Variants in CAPN2 observed in about 807,000 individuals in gnomAD.
CAPN2 encodes calpain-2 catalytic subunit.
Under a neutral mutation model 102.3 loss-of-function variants are expected in CAPN2, and 92 were observed. The ratio of observed to expected loss-of-function variants is 0.90; its 90% CI spans 0.76 to 1.07. The LOEUF is 1.07. CAPN2 is among the 50% of genes least tolerant of loss of function. The pLI is 0.00. For missense variants in CAPN2, 800 were observed against 909.4 expected (o/e 0.88, Z 1.55); for synonymous variants, 340 against 355.4 (o/e 0.96, Z 0.49).
At chr1:223,752,721 C>T in intron 8 of CAPN2, 75 bp from the exon 9 acceptor site, 1 of 1,471,124 alleles carries the variant, frequency 6.8e-7, no homozygotes, top group Non-Finnish European at 9.4e-7. Context: ...GGCTCCTGGT[C>T]TGGTGTTGGT....
At chr1:223,766,757 C>T (rs544129309) in intron 16 of CAPN2, among the ~76,000 whole-genome samples, 5 of 152,170 alleles carry the variant, frequency 3.3e-5, no homozygotes, top group African/African-American at 1.2e-4. Context: ...GTCAGGAGTT[C>T]GAGACCAGCC....
chr1:223,763,983 C>G lies in CAPN2; in HGVS notation c.1633-167C>G, dbSNP rs28370137. On this transcript the variant is annotated intron_variant, in intron 14 of 20. Transcript: ENST00000295006. ...TAAAATCCAGAATGGGGCAGTACTACTCAAAGTGTGGTCTGGGGACAGCAG... is the reference window on the plus strand; with the variant it reads ...TAAAATCCAGAATGGGGCAGTACTAGTCAAAGTGTGGTCTGGGGACAGCAG... Among the ~76,000 whole-genome samples, 1,520 of 152,322 alleles carry G rather than the reference C, an allele frequency of 1.0e-2. 26 individuals carry two copies. The highest frequency in any genetic ancestry group is 0.035 in the African/African-American group (1,442 of 41,570).
chr1:223,753,788 T>C (rs1336318562), intron 9 of CAPN2, among the ~76,000 whole-genome samples: 1 of 152,238 alleles, frequency 6.6e-6, no homozygotes, highest in Admixed American at 6.5e-5. Context: ...AAATATGCTA[T>C]AGAATTACCT....
rs1382515776 is a variant in CAPN2, at chr1:223,741,435, A to ATATAT, written c.308-2665_308-2664insTATAT. On this transcript the variant is annotated intron_variant, in intron 2 of 20. Coordinates refer to ENST00000295006, the MANE Select transcript of CAPN2 (RefSeq NM_001748.5). ...GGCTGTAAAATGTATATATATATAT[A>ATATAT]ATGTGTATATATATATATATATATA... Among the ~76,000 whole-genome samples the ATATAT allele has an allele frequency of 1.5e-3, 61 of 40,542 alleles. 4 individuals carry two copies. The highest frequency in any genetic ancestry group is 8.9e-3 in the African/African-American group (57 of 6,408). 26.6% of individuals were successfully genotyped at this position (40,542 alleles called of 152,430 possible).
intron 2 of CAPN2, among the ~76,000 whole-genome samples, chr1:223,742,808 G>A (rs898876): frequency 0.24 from 35,861 of 152,052 alleles, 7,216 homozygotes; most frequent in African/African-American, 0.55. Flanking sequence ...GGCGTGAGCC[G>A]CTGCGCCTAG....
At chr1:223,765,062 G>C (rs1661277274) in intron 15 of CAPN2, among the ~76,000 whole-genome samples, 1 of 152,198 alleles carries the variant, frequency 6.6e-6, no homozygotes, top group Non-Finnish European at 1.5e-5. Flanking sequence ...TGGCAATCCA[G>C]GAAGCAGAGT....
At chr1:223,749,253 G>A (rs892266872) in intron 6 of CAPN2, 131 bp downstream of exon 6, 6 of 746,898 alleles carry the variant, frequency 8.0e-6, no homozygotes, top group Non-Finnish European at 1.3e-5. Flanking sequence ...CCGCACTCCT[G>A]AAGTTCCGCG....
chr1:223,712,733 C>T lies in CAPN2; in HGVS notation c.93C>T (p.Asp31=), dbSNP rs1221834846. ...HDRAIKYLNQ[D]YEALRNECLE... Reference sequence around the variant, plus strand: ...GGGCCATCAAGTACCTCAACCAGGACTACGAGGCGCTGCGGAACGAGTGCC... The same window carrying T: ...GGGCCATCAAGTACCTCAACCAGGATTACGAGGCGCTGCGGAACGAGTGCC... Residue 31 remains aspartate (D), a synonymous_variant, in exon 1 of 21, where the codon GAC becomes GAT. Coordinates refer to ENST00000295006, the MANE Select transcript of CAPN2 (RefSeq NM_001748.5). 1.3e-6 allele frequency: 2 copies of T among 1,588,096 alleles called. No homozygotes were observed. Among genetic ancestry groups the T allele is most frequent in the Non-Finnish European group, 1.7e-6 (2 of 1,169,234 alleles).
chr1:223,773,046 G>C (rs1204558514), intron 20 of CAPN2: 4 of 152,278 alleles, frequency 2.6e-5, no homozygotes, highest in Non-Finnish European at 5.9e-5. Context: ...GAGGAGGGCA[G>C]GTCTAAGGCA....
At chr1:223,734,028 T>C (rs1287256512) in intron 2 of CAPN2, among the ~76,000 whole-genome samples, 1 of 152,082 alleles carries the variant, frequency 6.6e-6, no homozygotes, top group African/African-American at 2.4e-5. Context: ...GGAGGGAGGC[T>C]GTTAAGGGGC....
upstream of CAPN2, among the ~76,000 whole-genome samples, chr1:223,709,796 A>C (rs1193673322): frequency 6.6e-6 from 1 of 152,246 alleles, no homozygotes; most frequent in Non-Finnish European, 1.5e-5. Context: ...GCAACTAGAC[A>C]AAAAACTGGT....
At chr1:223,709,207 G>C (rs1294044830), upstream of CAPN2, among the ~76,000 whole-genome samples, 2 of 152,140 alleles carry the variant, frequency 1.3e-5, no homozygotes, top group African/African-American at 2.4e-5. Flanking sequence ...CTGTAGGAAA[G>C]AGAGAAGTCT....
At chr1:223,713,924 G>A (rs868017474) in intron 1 of CAPN2, among the ~76,000 whole-genome samples, 14 of 152,224 alleles carry the variant, frequency 9.2e-5, no homozygotes, top group South Asian at 6.2e-4. Context: ...AAGAAAACAT[G>A]CTGCCTAAAT....
Position 223,759,284 on chromosome 1 carries a change from C to T in CAPN2, c.1332C>T (p.Thr444=). 1 of 1,614,128 alleles carries T rather than the reference C, an allele frequency of 6.2e-7. No homozygotes were observed. The highest frequency in any genetic ancestry group is 8.5e-7 in the Non-Finnish European group (1 of 1,179,990). The change falls in exon 12 of 21, where the codon ACC becomes ACT. Residue 444 remains threonine (T), a synonymous_variant. Transcript: ENST00000295006. The surrounding 1 kb of genome is among the most constrained non-coding windows in gnomAD (Gnocchi z 4.6). ...TTATTCCTCAGTTAAGTGGGCAGACCAACATCCACCTCAGCAAAAACTTCT... is the reference window on the plus strand; with the variant it reads ...TTATTCCTCAGTTAAGTGGGCAGACTAACATCCACCTCAGCAAAAACTTCT... The part of the protein sequence containing the change: ...YEVPEELSGQ[T]NIHLSKNFFL...
intron 1 of CAPN2, 22 bp downstream of exon 1, chr1:223,712,899 GCGGGCAGGGCGGGGTGC>G (rs766829427): frequency 1.1e-5 from 17 of 1,483,458 alleles, no homozygotes; most frequent in Admixed American, 2.3e-5. Flanking sequence ...GCGGCAGGAC[GCGGGCAGGGCGGGGTGC>G]CGGGCAGGGC....
At chr1:223,736,869 A>G (rs993691748) in intron 2 of CAPN2, among the ~76,000 whole-genome samples, 3 of 152,010 alleles carry the variant, frequency 2.0e-5, no homozygotes, top group Admixed American at 6.6e-5. Flanking sequence ...ACATAGCAAG[A>G]CACCTCTACA....
chr1:223,722,281 C>CTTTTTTTTTTTTTT lies in CAPN2; in HGVS notation c.307+4461_307+4474dup, dbSNP rs34894876. On this transcript the variant is annotated intron_variant, in intron 2 of 20. Coordinates refer to ENST00000295006, the MANE Select transcript of CAPN2 (RefSeq NM_001748.5). ...TTCCTTTCTTTCTTTTTCTTTCTTTCTTTTTTTTTTTTTTTTTTTTTTTTG... is the reference window on the plus strand; with the variant it reads ...TTCCTTTCTTTCTTTTTCTTTCTTTCTTTTTTTTTTTTTTTTTTTTTTTTTTTTTTTTTTTTTTG... Among the ~76,000 whole-genome samples the CTTTTTTTTTTTTTT allele has an allele frequency of 6.8e-4, 58 of 85,492 alleles. 1 individual carries two copies. The highest frequency in any genetic ancestry group is 8.5e-4 in the East Asian group (2 of 2,356). The allele number at this position is 85,492 out of a possible 152,430, so 56.1% of individuals were successfully genotyped here.
At chr1:223,748,965 G>C (rs1660818795) in intron 5 of CAPN2, 74 bp from the exon 6 acceptor site, 2 of 1,395,340 alleles carry the variant, frequency 1.4e-6, no homozygotes, top group African/African-American at 2.8e-5. Flanking sequence ...CCCGGCAGTA[G>C]GACAGAGGGA....
At chr1:223,737,706 G>GTC (rs201713814) in intron 2 of CAPN2, among the ~76,000 whole-genome samples, 1 of 25,830 alleles carries the variant, frequency 3.9e-5, no homozygotes, top group Non-Finnish European at 1.3e-4. Flanking sequence ...AAGAGACGGG[G>GTC]CGGGGGGTGG....
Sources: allele counts gnomAD v4.1 joint callset (sites outside exome capture counted in the v4.1 genomes callset), GRCh38; gene constraint gnomAD v4.1.1; non-coding constraint Gnocchi (gnomAD v3.1); transcripts MANE v1.5; gene names NCBI Gene and HGNC (gene_info 2026-07-23, HGNC 2026-07-21).